The following KAZN variants were observed in gnomAD, a reference collection of about 807,000 sequenced individuals.
KAZN encodes kazrin, periplakin interacting protein.
KAZN carries 40 observed loss-of-function variants against 87.4 expected under a neutral mutation model. That is an observed-to-expected ratio of 0.46 (90% confidence interval 0.36 to 0.60). The LOEUF is 0.60. Among genes scored for constraint, KAZN ranks in the 20% least tolerant of loss-of-function variants. KAZN has a pLI of 0.00. For missense variants in KAZN, 898 were observed against 1,073.9 expected, an observed-to-expected ratio of 0.84 and a Z score of 2.29; for synonymous variants, 466 against 458.3, an observed-to-expected ratio of 1.02 and a Z score of -0.22.
intron 2 of KAZN, among the ~76,000 whole-genome samples, chr1:14,276,101 G>A (rs916320121): frequency 7.2e-5 from 11 of 151,902 alleles, no homozygotes; most frequent in African/African-American, 2.7e-4. Context: ...TGCTGCTAAC[G>A]AGCTCCCTGC....
intron 1 of KAZN, among the ~76,000 whole-genome samples, chr1:14,071,576 G>A (rs1643247528): frequency 1.3e-5 from 2 of 152,200 alleles, no homozygotes; most frequent in African/African-American, 4.8e-5. Context: ...TCAGCATCCT[G>A]TCAGCATTGT....
chr1:14,269,237 A>G (rs894927588), intron 2 of KAZN, among the ~76,000 whole-genome samples: 1 of 152,108 alleles, frequency 6.6e-6, no homozygotes, highest in South Asian at 2.1e-4. Flanking sequence ...CAGATACACA[A>G]TGTATCTGTA....
chr1:14,861,640 A>C (rs1433594282), intron 1 of KAZN, among the ~76,000 whole-genome samples: 1 of 152,090 alleles, frequency 6.6e-6, no homozygotes, highest in Admixed American at 6.6e-5. Context: ...TGTTCAGCTA[A>C]GGTTCGCTCC....
intron 1 of KAZN, among the ~76,000 whole-genome samples, chr1:13,947,841 A>G (rs1375693751): frequency 1.3e-5 from 2 of 152,176 alleles, no homozygotes; most frequent in African/African-American, 4.8e-5. Context: ...GACACCAGTC[A>G]TGTTGGATCA....
At chr1:14,059,890 A>G (rs1232756117) in intron 1 of KAZN, among the ~76,000 whole-genome samples, 1 of 152,134 alleles carries the variant, frequency 6.6e-6, no homozygotes, top group Non-Finnish European at 1.5e-5. Flanking sequence ...AATGGCCTAG[A>G]CTATTTCCCC....
At chr1:14,956,110 G>T (rs1663061234) in intron 1 of KAZN, among the ~76,000 whole-genome samples, 1 of 152,102 alleles carries the variant, frequency 6.6e-6, no homozygotes, top group African/African-American at 2.4e-5. Context: ...TAAGTGGGTG[G>T]CATCTGTGCA....
intron 1 of KAZN, among the ~76,000 whole-genome samples, chr1:14,616,070 G>A (rs1678214745): frequency 1.3e-5 from 2 of 152,184 alleles, no homozygotes; most frequent in African/African-American, 4.8e-5. Flanking sequence ...GCCCATGTGG[G>A]TTATGGAATG....
At chr1:14,417,599 G>A (rs1352211438) in intron 2 of KAZN, among the ~76,000 whole-genome samples, 1 of 152,118 alleles carries the variant, frequency 6.6e-6, no homozygotes, top group Non-Finnish European at 1.5e-5. Context: ...CAGAGAAACA[G>A]GTGGCTACTG....
chr1:14,027,177 C>A (rs1557791196), intron 1 of KAZN, among the ~76,000 whole-genome samples: 1 of 152,208 alleles, frequency 6.6e-6, no homozygotes, highest in Non-Finnish European at 1.5e-5. Context: ...CACCTGCAGA[C>A]AAACAGCCTC....
At chr1:13,894,887 CAG>C (rs951699652) in intron 1 of KAZN, among the ~76,000 whole-genome samples, 2 of 152,184 alleles carry the variant, frequency 1.3e-5, no homozygotes, top group Non-Finnish European at 2.9e-5. Context: ...TGTGTCTGCA[CAG>C]AGAGGCAGCT....
chr1:13,956,919 C>G (rs1472572033), intron 1 of KAZN, among the ~76,000 whole-genome samples: 1 of 152,092 alleles, frequency 6.6e-6, no homozygotes, highest in African/African-American at 2.4e-5. Flanking sequence ...CTATGGCATC[C>G]CAGGTCAGGA....
intron 1 of KAZN, among the ~76,000 whole-genome samples, chr1:14,140,705 AC>A (rs548702798): frequency 2.2e-4 from 33 of 150,542 alleles, no homozygotes; most frequent in Non-Finnish European, 4.0e-4. Flanking sequence ...CCACCCCCGC[AC>A]CCCTGCCTCC....
At chr1:14,474,108 T>A (rs1668596378) in intron 2 of KAZN, among the ~76,000 whole-genome samples, 1 of 152,184 alleles carries the variant, frequency 6.6e-6, no homozygotes, top group Non-Finnish European at 1.5e-5. Context: ...CTTTGCCAAA[T>A]CCCAGCACTG....
chr1:15,033,115 T>G (rs1671896691), intron 2 of KAZN, among the ~76,000 whole-genome samples: 1 of 152,178 alleles, frequency 6.6e-6, no homozygotes, highest in Non-Finnish European at 1.5e-5. Flanking sequence ...GATCTAGAGA[T>G]AAAGTGTATG....
intron 3 of KAZN, 24 bp from the exon 4 acceptor site, chr1:15,043,965 G>A (rs1464156031): frequency 6.3e-7 from 1 of 1,589,956 alleles, no homozygotes; most frequent in Non-Finnish European, 8.6e-7. Context: ...CACCCACGGT[G>A]CTCTCTCCCT....
intron 1 of KAZN, among the ~76,000 whole-genome samples, chr1:14,819,451 T>C (rs965250007): frequency 6.6e-6 from 1 of 152,112 alleles, no homozygotes; most frequent in Non-Finnish European, 1.5e-5. Context: ...TGAGGACCGT[T>C]GTTCTTATGG....
Position 15,109,997 on chromosome 1 carries a change from ATGTGTGTTG to A in KAZN, c.2049-2426_2049-2418del, listed in dbSNP as rs1463835968. ...TATGTTTGTATGTTTATGTGGGTAT[ATGTGTGTTG>A]TGTATGTATGTGTAGATGGTGTTTG... On this transcript the variant is annotated intron_variant, in intron 13 of 14. Transcript: ENST00000376030. Among the ~76,000 whole-genome samples the A allele has an allele frequency of 5.3e-5, 7 of 132,210 alleles. No individual in the cohort carries two copies. The South Asian group carries it at 1.2e-3, about 23-fold the overall frequency. 86.7% of individuals were successfully genotyped at this position (132,210 alleles called of 152,430 possible). A position where few individuals can be genotyped will look rare whatever the true frequency, so the allele number is the denominator to read the frequency against.
chr1:14,781,456 C>T (rs945754054), intron 1 of KAZN, among the ~76,000 whole-genome samples: 7 of 152,236 alleles, frequency 4.6e-5, no homozygotes, highest in African/African-American at 1.7e-4. Flanking sequence ...CCAGGGTCAG[C>T]TTCAGAAGGG....
intron 2 of KAZN, among the ~76,000 whole-genome samples, chr1:14,234,967 A>G (rs186120734): frequency 1.6e-4 from 25 of 152,356 alleles, no homozygotes; most frequent in African/African-American, 5.8e-4. Flanking sequence ...ACTTTGGAAA[A>G]TAGTTTGGTA....
Sources: gnomAD v4.1 joint callset for allele counts (sites outside exome capture counted in the v4.1 genomes callset) on GRCh38, gnomAD v4.1.1 for gene constraint, MANE v1.5 for transcripts, NCBI Gene and HGNC (gene_info 2026-07-23, HGNC 2026-07-21) for gene names.